The following ILRUN variants were observed in gnomAD, a reference collection of about 807,000 sequenced individuals.
ILRUN encodes the protein inflammation and lipid regulator with UBA-like and NBR1-like domains.
A neutral mutation model predicts 33.8 loss-of-function variants in ILRUN; 3 were observed. The observed-to-expected ratio is 0.09, with a 90% CI of 0.04 to 0.23. The LOEUF (loss-of-function observed/expected upper bound fraction) is 0.23, where lower values mean the gene tolerates loss of function less well. Among genes scored for constraint, ILRUN ranks in the 10% least tolerant of loss-of-function variants. The pLI is 1.00. For synonymous variants in ILRUN, 124 were observed against 138.9 expected (o/e 0.89, Z 0.75); for missense variants, 210 against 375.1 (o/e 0.56, Z 3.64).
At chr6:34,606,154 C>A (rs551107658) in intron 4 of ILRUN, among the ~76,000 whole-genome samples, 1 of 152,088 alleles carries the variant, frequency 6.6e-6, no homozygotes, top group Non-Finnish European at 1.5e-5. Context: ...ATAAGGAAGT[C>A]GATGGGCCAT....
At chr6:34,643,125 G>A (rs1031362041) in intron 3 of ILRUN, among the ~76,000 whole-genome samples, 1 of 151,736 alleles carries the variant, frequency 6.6e-6, no homozygotes, top group Admixed American at 6.6e-5. Flanking sequence ...GTGAAACCCC[G>A]TCTCTACTGA....
intron 1 of ILRUN, among the ~76,000 whole-genome samples, chr6:34,685,195 T>TTTA (rs1313301432): frequency 2.0e-5 from 3 of 152,182 alleles, no homozygotes; most frequent in Admixed American, 2.0e-4. Context: ...ATTAACTGGA[T>TTTA]TTAGCAAATG....
chr6:34,669,218 G>C (rs1475532435), intron 1 of ILRUN, among the ~76,000 whole-genome samples: 2 of 151,706 alleles, frequency 1.3e-5, no homozygotes, highest in Non-Finnish European at 2.9e-5. Flanking sequence ...CAACTTCCTG[G>C]GCTCGAGTGA....
intron 1 of ILRUN, among the ~76,000 whole-genome samples, chr6:34,675,758 A>G (rs995390979): frequency 3.9e-5 from 6 of 152,220 alleles, no homozygotes; most frequent in African/African-American, 9.6e-5. Flanking sequence ...ACATAAATCA[A>G]TGAAGGAAAG....
At chr6:34,682,039 T>TTTTTTTTTTTTTTTTA (rs1371036341) in intron 1 of ILRUN, among the ~76,000 whole-genome samples, 3 of 104,890 alleles carry the variant, frequency 2.9e-5, no homozygotes, top group Non-Finnish European at 6.0e-5. Flanking sequence ...TTTATTTTTT[T>TTTTTTTTTTTTTTTTA]ACTTTTTTTT....
At chr6:34,658,804 T>C (rs1762829816) in intron 1 of ILRUN, among the ~76,000 whole-genome samples, 1 of 151,988 alleles carries the variant, frequency 6.6e-6, no homozygotes, top group Admixed American at 6.5e-5. Context: ...CAAGACTCCA[T>C]CTCAAGAAAA....
intron 1 of ILRUN, among the ~76,000 whole-genome samples, chr6:34,687,366 C>A: frequency 6.6e-6 from 1 of 152,056 alleles, no homozygotes; most frequent in East Asian, 1.9e-4. Context: ...TAATAAGGTA[C>A]CAATCCATAC....
intron 1 of ILRUN, among the ~76,000 whole-genome samples, chr6:34,669,973 G>T (rs893746140): frequency 6.6e-6 from 1 of 151,664 alleles, no homozygotes; most frequent in African/African-American, 2.4e-5. Context: ...ATGTAATGGC[G>T]CAATCTCGGC....
intron 3 of ILRUN, among the ~76,000 whole-genome samples, chr6:34,638,462 C>T (rs758619774): frequency 6.6e-6 from 1 of 152,066 alleles, no homozygotes; most frequent in Admixed American, 6.5e-5. Context: ...GCCTGTAATC[C>T]CAGCACTTTG....
chr6:34,679,814 G>C (rs545561192), intron 1 of ILRUN, among the ~76,000 whole-genome samples: 1 of 152,316 alleles, frequency 6.6e-6, no homozygotes, highest in South Asian at 2.1e-4. Flanking sequence ...GAGATTTGGA[G>C]ACACACAAGG....
chr6:34,617,642 G>A (rs561584501), intron 3 of ILRUN, among the ~76,000 whole-genome samples: 20 of 152,166 alleles, frequency 1.3e-4, no homozygotes, highest in South Asian at 8.3e-4. Context: ...CCTGATTTCC[G>A]AGGCTTAGAC....
Position 34,616,435 on chromosome 6 carries a change from T to A in ILRUN, c.512-9531A>T, listed in dbSNP as rs1474531694. On this transcript the variant is annotated intron_variant, in intron 3 of 4. Transcript: ENST00000374023. ...TTCATCTCTATAGAAAAGCTGGGTGTGTACTGTCTAGCTTCAGTGAGAAAG... is the reference window on the plus strand; with the variant it reads ...TTCATCTCTATAGAAAAGCTGGGTGAGTACTGTCTAGCTTCAGTGAGAAAG... The A allele has an allele frequency of 1.6e-5, 9 of 578,240 alleles. No individual in the cohort carries two copies. In the East Asian group the frequency reaches 2.6e-4, roughly 16 times the overall value. 35.8% of individuals were successfully genotyped at this position (578,240 alleles called of 1,614,324 possible). A position where few individuals can be genotyped will look rare whatever the true frequency, so the allele number is the denominator to read the frequency against.
Position 34,686,575 on chromosome 6 carries a change from T to C in ILRUN, c.158+9871A>G, listed in dbSNP as rs1318623279. 3 of 205,886 alleles carry C rather than the reference T, an allele frequency of 1.5e-5. No individual in the cohort carries two copies. In the East Asian group the frequency reaches 3.6e-4, roughly 25 times the overall value. The allele number at this position is 205,886 out of a possible 1,614,324, so 12.8% of individuals were successfully genotyped here. Reference sequence around the variant, plus strand: ...AATTTAAAAATGGGCAAAGCCTTTTTGCGCTGACAGTGCTCCAGCAAACAT... The same window carrying C: ...AATTTAAAAATGGGCAAAGCCTTTTCGCGCTGACAGTGCTCCAGCAAACAT... On this transcript the variant is annotated intron_variant, in intron 1 of 4. Coordinates refer to ENST00000374023, the MANE Select transcript of ILRUN (RefSeq NM_024294.4).
intron 1 of ILRUN, among the ~76,000 whole-genome samples, chr6:34,680,966 T>C (rs1304359026): frequency 2.6e-5 from 4 of 151,994 alleles, no homozygotes; most frequent in Admixed American, 2.0e-4. Context: ...AAAAATAAGG[T>C]AGGGCTTCCC....
intron 3 of ILRUN, among the ~76,000 whole-genome samples, chr6:34,645,853 C>T (rs6909637): frequency 0.17 from 25,553 of 152,058 alleles, 2,937 homozygotes; most frequent in African/African-American, 0.32. Flanking sequence ...TGGGGCCCAA[C>T]TAAGAATCTA....
Position 34,592,803 on chromosome 6 carries a change from A to G in ILRUN, c.862-2203T>C, listed in dbSNP as rs1273377611. Among the ~76,000 whole-genome samples, 1 of 152,174 alleles carries G rather than the reference A, an allele frequency of 6.6e-6. No individual in the cohort carries two copies. Among genetic ancestry groups the G allele is most frequent in the Middle Eastern group, 3.2e-3 (1 of 316 alleles). ...CTAGAACTACCCAAGGAAAGCAACA[A>G]AAACTTTAATTCCCTTAAGGTTTAG... On this transcript the variant is annotated intron_variant, in intron 4 of 4. Transcript: ENST00000374023. This position sits in a 1 kb window ranked among gnomAD's most constrained non-coding sequence, Gnocchi z 4.0.
rs938114555 is a variant in ILRUN at position 34,689,677 on chromosome 6, G to A, written c.158+6769C>T. Among the ~76,000 whole-genome samples, 7 of 151,826 alleles carry A rather than the reference G, an allele frequency of 4.6e-5. No homozygotes were observed. The South Asian group carries it at 6.2e-4, about 14-fold the overall frequency. On this transcript the variant is annotated intron_variant, in intron 1 of 4. Transcript: ENST00000374023. Reference sequence around the variant, plus strand: ...GGGTGACTGAGAAATGGATTAACAGGCAAAGAAGGTAATACGTGATCAGGT... The same window carrying A: ...GGGTGACTGAGAAATGGATTAACAGACAAAGAAGGTAATACGTGATCAGGT...
intron 3 of ILRUN, among the ~76,000 whole-genome samples, chr6:34,631,691 T>C (rs936946549): frequency 6.6e-6 from 1 of 152,030 alleles, no homozygotes; most frequent in Non-Finnish European, 1.5e-5. Context: ...AAAAGAAGTA[T>C]CTACTCAGAG....
Position 34,627,269 on chromosome 6 carries a change from T to C in ILRUN, c.511+19332A>G, listed in dbSNP as rs186947713. Among the ~76,000 whole-genome samples, 4 of 152,340 alleles carry C rather than the reference T, an allele frequency of 2.6e-5. No homozygotes were observed. The East Asian group carries it at 7.7e-4, about 29-fold the overall frequency. The stretch of plus-strand genomic sequence containing the variant: ...TTTAGTGCTGAGTTATACTCCATTG[T>C]CTAGGTGTACCACACTTTATTTGTC... On this transcript the variant is annotated intron_variant, in intron 3 of 4. Transcript: ENST00000374023.
Sources: allele counts gnomAD v4.1 joint callset (sites outside exome capture counted in the v4.1 genomes callset), GRCh38; gene constraint gnomAD v4.1.1; non-coding constraint Gnocchi (gnomAD v3.1); transcripts MANE v1.5; gene names NCBI Gene and HGNC (gene_info 2026-07-23, HGNC 2026-07-21).